The following ZNF831 variants were observed in gnomAD, a reference collection of about 807,000 sequenced individuals.
ZNF831 encodes chromosome 20 open reading frame 174.
A neutral mutation model predicts 95.8 loss-of-function variants in ZNF831; 59 were observed. The observed-to-expected ratio is 0.62, with a 90% CI of 0.50 to 0.77. The LOEUF (loss-of-function observed/expected upper bound fraction) is 0.77, where lower values mean the gene tolerates loss of function less well. Ranked by LOEUF, ZNF831 falls within the 30% of genes least tolerant of loss-of-function variation. ZNF831 has a pLI of 0.00. For missense variants in ZNF831, 2,205 were observed against 2,164.0 expected (o/e 1.02, Z -0.38); for synonymous variants, 961 against 925.5 (o/e 1.04, Z -0.70).
At chr20:59,164,628 A>G (rs1205474140) in intron 1 of ZNF831, among the ~76,000 whole-genome samples, 1 of 152,178 alleles carries the variant, frequency 6.6e-6, no homozygotes, top group African/African-American at 2.4e-5. Flanking sequence ...TTTTATTTGT[A>G]TATAATATAA....
rs2146584683 is a variant in ZNF831, at chr20:59,193,509, G to A, written c.2490G>A (p.Leu830=). 4 of 1,609,974 alleles carry A rather than the reference G, an allele frequency of 2.5e-6. No individual in the cohort carries two copies. The highest frequency in any genetic ancestry group is 3.4e-6 in the Non-Finnish European group (4 of 1,178,164). Residue 830 remains leucine, a synonymous_variant, in exon 2 of 6, where the codon CTG becomes CTA. Coordinates refer to ENST00000371030, the MANE Select transcript of ZNF831 (RefSeq NM_178457.3). ...GGAAGAAGCTGAAAGTGGAGGACCT[G>A]CACAGCTGGAAGCAACCAGAGCCTG... ...SERKKLKVED[L]HSWKQPEPVS...
chr20:59,142,725 T>C (rs748030185), intron 1 of ZNF831, among the ~76,000 whole-genome samples: 4 of 152,232 alleles, frequency 2.6e-5, no homozygotes, highest in Non-Finnish European at 4.4e-5. Flanking sequence ...CTTTTCTGTT[T>C]TCATTATGGT....
intron 4 of ZNF831, among the ~76,000 whole-genome samples, chr20:59,251,618 G>A (rs1987892075): frequency 6.6e-6 from 1 of 152,226 alleles, no homozygotes; most frequent in Non-Finnish European, 1.5e-5. Flanking sequence ...AATCAGCACA[G>A]CGGGGATGAA....
chr20:59,167,576 A>G (rs1201871157), intron 1 of ZNF831, among the ~76,000 whole-genome samples: 3 of 151,924 alleles, frequency 2.0e-5, no homozygotes, highest in African/African-American at 7.3e-5. Flanking sequence ...AAGCTTTTAC[A>G]GTTTTATATT....
rs1988138312 is a variant in ZNF831, at chr20:59,255,545, G to A, written c.*802G>A. On this transcript the variant is annotated 3_prime_UTR_variant, in exon 6 of 6. Coordinates refer to ENST00000371030, the MANE Select transcript of ZNF831 (RefSeq NM_178457.3). ...AACGGTGTTAAAAGTTAATAGAACTGTCTCTCTGTAATGAGTCATTTTTTG... is the reference window on the plus strand; with the variant it reads ...AACGGTGTTAAAAGTTAATAGAACTATCTCTCTGTAATGAGTCATTTTTTG... The A allele has an allele frequency of 6.6e-6, 1 of 152,140 alleles. No homozygotes were observed. The allele number at this position is 152,140 out of a possible 1,614,324, so 9.4% of individuals were successfully genotyped here. A position where few individuals can be genotyped will look rare whatever the true frequency, so the allele number is the denominator to read the frequency against.
intron 1 of ZNF831, among the ~76,000 whole-genome samples, chr20:59,125,046 C>A (rs1441201066): frequency 4.6e-5 from 7 of 152,144 alleles, no homozygotes; most frequent in Non-Finnish European, 2.9e-5. Flanking sequence ...AAAAAAATTT[C>A]CTTAAAAAGA....
At chr20:59,160,127 G>A (rs1980769178), upstream of ZNF831, 2 of 152,376 alleles carry the variant, frequency 1.3e-5, no homozygotes, top group South Asian at 4.1e-4. Context: ...CGAAAGACAG[G>A]CTGTCAGGTG....
At chr20:59,145,146 G>A (rs1353224278) in intron 1 of ZNF831, among the ~76,000 whole-genome samples, 1 of 152,202 alleles carries the variant, frequency 6.6e-6, no homozygotes, top group Non-Finnish European at 1.5e-5. Context: ...TGGCACCTTG[G>A]TTAATTCCCA....
chr20:59,175,134 C>G (rs1198842725), intron 1 of ZNF831, among the ~76,000 whole-genome samples: 1 of 149,036 alleles, frequency 6.7e-6, no homozygotes, highest in African/African-American at 2.5e-5. Flanking sequence ...GGCATTGTTT[C>G]TCACTTGCTT....
chr20:59,228,461 A>G, intron 4 of ZNF831, among the ~76,000 whole-genome samples: 1 of 151,598 alleles, frequency 6.6e-6, no homozygotes, highest in Non-Finnish European at 1.5e-5. Flanking sequence ...CCATGCTGCC[A>G]ACCAACTTCC....
At chr20:59,224,788 C>T (rs987685011) in intron 4 of ZNF831, among the ~76,000 whole-genome samples, 1 of 152,166 alleles carries the variant, frequency 6.6e-6, no homozygotes, top group Non-Finnish European at 1.5e-5. Flanking sequence ...ATACTGAGAA[C>T]CAAAGACATG....
chr20:59,194,701 A>G lies in ZNF831; in HGVS notation c.3682A>G (p.Asn1228Asp). The part of the protein sequence containing the change: ...DEGPNGPPGS[N>D]GGWTWTSPGE... ...GGGTCCCAATGGCCCTCCTGGGAGC[A>G]ATGGAGGATGGACCTGGACAAGCCC... Residue 1228 changes from asparagine (N) to aspartate (D), a missense_variant, in exon 2 of 6, where the codon AAT becomes GAT. By Grantham distance (23) the Asn-to-Asp change is conservative. Transcript: ENST00000371030. 6.2e-7 allele frequency: 1 copy of G among 1,606,820 alleles called. No individual in the cohort carries two copies. Among genetic ancestry groups the G allele is most frequent in the Non-Finnish European group, 8.5e-7 (1 of 1,176,562 alleles).
chr20:59,189,424 T>C (rs1337036036), intron 1 of ZNF831, among the ~76,000 whole-genome samples: 1 of 152,206 alleles, frequency 6.6e-6, no homozygotes, highest in East Asian at 1.9e-4. Context: ...TTTTTGAAAA[T>C]TTAACAATCA....
chr20:59,209,557 T>C (rs927691489), intron 4 of ZNF831, among the ~76,000 whole-genome samples: 1 of 152,152 alleles, frequency 6.6e-6, no homozygotes, highest in Non-Finnish European at 1.5e-5. Flanking sequence ...CCCCAGAAGA[T>C]GTGGGACAGC....
chr20:59,158,871 C>T (rs1174399544), upstream of ZNF831, among the ~76,000 whole-genome samples: 3 of 152,260 alleles, frequency 2.0e-5, no homozygotes, highest in African/African-American at 4.8e-5. Flanking sequence ...TACATGCGCA[C>T]GGGGCATTTG....
At chr20:59,216,997 G>A (rs1440846710) in intron 4 of ZNF831, among the ~76,000 whole-genome samples, 5 of 151,022 alleles carry the variant, frequency 3.3e-5, no homozygotes, top group African/African-American at 4.9e-5. Context: ...GGGCAAAAAA[G>A]TTAATTATTA....
intron 1 of ZNF831, among the ~76,000 whole-genome samples, chr20:59,174,939 G>A (rs1982026283): frequency 6.6e-6 from 1 of 151,972 alleles, no homozygotes; most frequent in Non-Finnish European, 1.5e-5. Flanking sequence ...GATTCTATTT[G>A]TTTTCATTTA....
At chr20:59,219,024 T>C (rs1401332991) in intron 4 of ZNF831, among the ~76,000 whole-genome samples, 1 of 151,676 alleles carries the variant, frequency 6.6e-6, no homozygotes, top group East Asian at 1.9e-4. Context: ...AAATAAAAAA[T>C]ACAAAATAAA....
intron 4 of ZNF831, among the ~76,000 whole-genome samples, chr20:59,242,166 C>G (rs1987373577): frequency 2.0e-5 from 3 of 152,154 alleles, no homozygotes; most frequent in Admixed American, 6.5e-5. Flanking sequence ...GACAAGAGCC[C>G]ATTTTTCCCC....
Sources: gnomAD v4.1 joint callset for allele counts (sites outside exome capture counted in the v4.1 genomes callset) on GRCh38, gnomAD v4.1.1 for gene constraint, MANE v1.5 for transcripts, NCBI Gene and HGNC (gene_info 2026-07-23, HGNC 2026-07-21) for gene names.